The following TMEM183A variants were observed in gnomAD, a reference collection of about 807,000 sequenced individuals.
TMEM183A encodes chromosome 1 open reading frame 37.
TMEM183A carries 21 observed loss-of-function variants against 46.7 expected under a neutral mutation model. The ratio of observed to expected loss-of-function variants is 0.45; its 90% CI spans 0.32 to 0.65. TMEM183A has a LOEUF of 0.65. TMEM183A is among the 30% of genes least tolerant of loss of function. The pLI is 0.04. For missense variants in TMEM183A, 331 were observed against 481.9 expected (o/e 0.69, Z 2.93); for synonymous variants, 165 against 180.2 (o/e 0.92, Z 0.68).
At chr1:203,015,647 C>A (rs1052888351) in intron 4 of TMEM183A, 5 of 273,176 alleles carry the variant, frequency 1.8e-5, no homozygotes, top group East Asian at 1.6e-4. Flanking sequence ...GGTGGCTCTT[C>A]GCCAGTATAG....
At chr1:203,011,861 A>G (rs1656630448) in intron 3 of TMEM183A, among the ~76,000 whole-genome samples, 1 of 127,216 alleles carries the variant, frequency 7.9e-6, no homozygotes, top group Non-Finnish European at 1.6e-5. Flanking sequence ...CCATTCCATC[A>G]GACTGGTCTT....
intron 3 of TMEM183A, among the ~76,000 whole-genome samples, chr1:203,014,021 G>A (rs1656924534): frequency 6.6e-6 from 1 of 152,196 alleles, no homozygotes; most frequent in African/African-American, 2.4e-5. Flanking sequence ...CCAAAGTGCT[G>A]GGATTACAGG....
intron 6 of TMEM183A, among the ~76,000 whole-genome samples, chr1:203,020,260 CTG>C (rs1490170650): frequency 6.6e-6 from 1 of 152,192 alleles, no homozygotes; most frequent in Non-Finnish European, 1.5e-5. Context: ...CCATTAGACA[CTG>C]GTAGAAAGTC....
intron 6 of TMEM183A, among the ~76,000 whole-genome samples, chr1:203,018,951 C>T (rs142348005): frequency 3.2e-4 from 49 of 152,336 alleles, no homozygotes; most frequent in Non-Finnish European, 6.8e-4. Context: ...AAGGCCCTAC[C>T]TCTTAATACT....
In TMEM183A at chr1:203,022,879, A is replaced by G; in HGVS notation, c.970A>G (p.Met324Val). 6.2e-7 allele frequency: 1 copy of G among 1,613,810 alleles called. No individual in the cohort carries two copies. Among genetic ancestry groups the G allele is most frequent in the Non-Finnish European group, 8.5e-7 (1 of 1,179,828 alleles). The change falls in exon 8 of 8, where the codon ATG becomes GTG. Residue 324 changes from methionine (M) to valine (V), a missense_variant. Coordinates refer to ENST00000367242, the MANE Select transcript of TMEM183A (RefSeq NM_138391.6). ...TLFTINVSTD[M>V]RHHRVRLVFQ... ...GTTTACTATCAATGTGAGCACGGAC[A>G]TGCGGCATCATCGAGTGAGACTGGT...
At chr1:203,008,513 T>G in intron 2 of TMEM183A, 130 bp from the exon 3 acceptor site, 1 of 714,084 alleles carries the variant, frequency 1.4e-6, no homozygotes. Flanking sequence ...TGGTGACAGA[T>G]TCTCACCTTT....
chr1:203,007,719 G>A (rs1656094747), intron 1 of TMEM183A, 55 bp from the exon 2 acceptor site: 7 of 1,603,982 alleles, frequency 4.4e-6, no homozygotes, highest in Non-Finnish European at 6.0e-6. Context: ...GGTGTTGGCG[G>A]GGAAGACGCT....
intron 3 of TMEM183A, among the ~76,000 whole-genome samples, chr1:203,012,278 C>CACACACACACACACACACA (rs58503894): frequency 6.8e-6 from 1 of 147,162 alleles, no homozygotes; most frequent in Non-Finnish European, 1.5e-5. Context: ...CACACACACA[C>CACACACACACACACACACA]GGTTATTTTG....
In TMEM183A at chr1:203,013,676, T is replaced by C. The variant is rs535468465; in HGVS notation, c.368-1213T>C. Among the ~76,000 whole-genome samples the C allele has an allele frequency of 6.6e-6, 1 of 151,300 alleles. No homozygotes were observed. The highest frequency in any genetic ancestry group is 2.0e-4 in the East Asian group (1 of 5,084). ...ACAGGCAGCTGCCACCACGCCCGGCTAATTTTTTTGTATTTTTTAGTAGAG... is the reference window on the plus strand; with the variant it reads ...ACAGGCAGCTGCCACCACGCCCGGCCAATTTTTTTGTATTTTTTAGTAGAG... On this transcript the variant is annotated intron_variant, in intron 3 of 7. Coordinates refer to ENST00000367242, the MANE Select transcript of TMEM183A (RefSeq NM_138391.6). This position sits in a 1 kb window ranked among gnomAD's most constrained non-coding sequence, Gnocchi z 4.0.
chr1:203,015,363 C>T (rs59277778), intron 4 of TMEM183A: 4 of 358,908 alleles, frequency 1.1e-5, no homozygotes, highest in African/African-American at 8.4e-5. Flanking sequence ...ATGTTTAAAG[C>T]TACAGATGCC....
chr1:203,007,710 G>A (rs1376392843), intron 1 of TMEM183A, 64 bp from the exon 2 acceptor site: 14 of 1,601,076 alleles, frequency 8.7e-6, no homozygotes, highest in Non-Finnish European at 1.1e-5. Context: ...CGAGGAGGAG[G>A]TGTTGGCGGG....
chr1:203,007,395 C>A lies in TMEM183A; in HGVS notation c.-71C>A, dbSNP rs1656026018. Reference sequence around the variant, plus strand: ...TGTTCTCGCGAGAGTTAGCGGCCTCCGGTGTGGGATGGCCGCGGAGCCGGG... The same window carrying A: ...TGTTCTCGCGAGAGTTAGCGGCCTCAGGTGTGGGATGGCCGCGGAGCCGGG... On this transcript the variant is annotated 5_prime_UTR_variant, in exon 1 of 8. Transcript: ENST00000367242. 3 of 1,304,144 alleles carry A rather than the reference C, an allele frequency of 2.3e-6. No homozygotes were observed. Among genetic ancestry groups the A allele is most frequent in the South Asian group, 2.0e-5 (1 of 50,138 alleles). 80.8% of individuals were successfully genotyped at this position (1,304,144 alleles called of 1,614,324 possible).
intron 7 of TMEM183A, 138 bp from the exon 8 acceptor site, chr1:203,022,717 A>G: frequency 8.0e-7 from 1 of 1,251,996 alleles, no homozygotes; most frequent in Non-Finnish European, 1.1e-6. Context: ...AAAAAAAAAA[A>G]AGGTGTTTGT....
chr1:203,010,416 G>C (rs1176907335), intron 3 of TMEM183A, among the ~76,000 whole-genome samples: 2 of 152,166 alleles, frequency 1.3e-5, no homozygotes, highest in Non-Finnish European at 2.9e-5. Context: ...GCAATGACAT[G>C]ATGCTGAAAG....
chr1:203,007,455 C>T lies in TMEM183A; in HGVS notation c.-11C>T, dbSNP rs1248516965. On this transcript the variant is annotated 5_prime_UTR_variant, in exon 1 of 8. Coordinates refer to ENST00000367242, the MANE Select transcript of TMEM183A (RefSeq NM_138391.6). ...CTTGCGGCTCCCGGGGCCGGCTCTC[C>T]GGCCGGAGACATGGCCCGGGGGCCC... 2.1e-6 allele frequency: 3 copies of T among 1,418,890 alleles called. No individual in the cohort carries two copies. The highest frequency in any genetic ancestry group is 2.7e-5 in the Admixed American group (1 of 37,126). The allele number at this position is 1,418,890 out of a possible 1,614,324, so 87.9% of individuals were successfully genotyped here. A position where few individuals can be genotyped will look rare whatever the true frequency, so the allele number is the denominator to read the frequency against.
At chr1:203,008,105 C>G (rs1656160431) in intron 2 of TMEM183A, among the ~76,000 whole-genome samples, 1 of 152,132 alleles carries the variant, frequency 6.6e-6, no homozygotes, top group Non-Finnish European at 1.5e-5. Flanking sequence ...CCACTGCATT[C>G]TTCTTGGTTA....
chr1:203,008,934 G>A lies in TMEM183A; in HGVS notation c.367+124G>A, dbSNP rs1656278122. On this transcript the variant is annotated intron_variant, in intron 3 of 7. Transcript: ENST00000367242. ...TACCAGGAGAGTTTAAAGAAAACTT[G>A]GCTCTCCCTAAGAACCTTGGTAGTG... 4 of 1,060,900 alleles carry A rather than the reference G, an allele frequency of 3.8e-6. No homozygotes were observed. The South Asian group carries it at 1.0e-4, about 28-fold the overall frequency. 65.7% of individuals were successfully genotyped at this position (1,060,900 alleles called of 1,614,324 possible). A position where few individuals can be genotyped will look rare whatever the true frequency, so the allele number is the denominator to read the frequency against.
chr1:203,020,679 AG>A (rs1211352879), intron 6 of TMEM183A, 113 bp from the exon 7 acceptor site: 1 of 1,287,808 alleles, frequency 7.8e-7, no homozygotes, highest in Non-Finnish European at 1.1e-6. Flanking sequence ...TAAAGAGAGA[AG>A]ATAAAAGTGT....
chr1:203,013,643 C>T lies in TMEM183A; in HGVS notation c.368-1246C>T, dbSNP rs920287100. On this transcript the variant is annotated intron_variant, in intron 3 of 7. Transcript: ENST00000367242. The surrounding 1 kb of genome is among the most constrained non-coding windows in gnomAD (Gnocchi z 4.0). Reference sequence around the variant, plus strand: ...TCTCCTGCCTCAGCCTCCCAAGTAGCTGGAACTACAGGCAGCTGCCACCAC... The same window carrying T: ...TCTCCTGCCTCAGCCTCCCAAGTAGTTGGAACTACAGGCAGCTGCCACCAC... 6.6e-6 allele frequency among the ~76,000 whole-genome samples: 1 copy of T among 152,066 alleles called. No homozygotes were observed.
Sources: gnomAD v4.1 joint callset for allele counts (sites outside exome capture counted in the v4.1 genomes callset) on GRCh38, gnomAD v4.1.1 for gene constraint, Gnocchi (gnomAD v3.1) non-coding constraint, MANE v1.5 for transcripts, NCBI Gene and HGNC (gene_info 2026-07-23, HGNC 2026-07-21) for gene names.